BTRC: variants seen among roughly 807,000 people sequenced by gnomAD.
BTRC encodes beta-transducin repeat containing E3 ubiquitin protein ligase, also known as F-box/WD repeat-containing protein 1A.
BTRC carries 42 observed loss-of-function variants against 85.5 expected under a neutral mutation model. That is an observed-to-expected ratio of 0.49 (90% confidence interval 0.38 to 0.64). The LOEUF is 0.64. Among genes scored for constraint, BTRC ranks in the 30% least tolerant of loss-of-function variants. The pLI is 0.00. For missense variants in BTRC, 594 were observed against 743.5 expected, an observed-to-expected ratio of 0.80 and a Z score of 2.34; for synonymous variants, 255 against 263.3, an observed-to-expected ratio of 0.97 and a Z score of 0.30.
chr10:101,394,154 A>G (rs1943305527), intron 1 of BTRC, among the ~76,000 whole-genome samples: 1 of 152,146 alleles, frequency 6.6e-6, no homozygotes, highest in Non-Finnish European at 1.5e-5. Context: ...GACTAAGGGC[A>G]TGTTGAATTT....
chr10:101,430,802 TAATC>T lies in BTRC; in HGVS notation c.156+358_156+361del, dbSNP rs1309116096. On this transcript the variant is annotated intron_variant, in intron 2 of 14. Transcript: ENST00000370187. Reference sequence around the variant, plus strand: ...TGGACCTACATAAAGCCAATTAGTATAATCAATCAATTAATTACAATCAGTTTCC... The same window carrying T: ...TGGACCTACATAAAGCCAATTAGTATAATCAATTAATTACAATCAGTTTCC... Among the ~76,000 whole-genome samples, 8 of 152,304 alleles carry T rather than the reference TAATC, an allele frequency of 5.3e-5. No individual in the cohort carries two copies. In the South Asian group the frequency reaches 1.7e-3, roughly 32 times the overall value.
At chr10:101,464,060 A>G (rs753478966) in intron 3 of BTRC, among the ~76,000 whole-genome samples, 10 of 152,168 alleles carry the variant, frequency 6.6e-5, no homozygotes, top group Non-Finnish European at 1.3e-4. Flanking sequence ...AACCAATAGG[A>G]CAATACTGAA....
intron 2 of BTRC, among the ~76,000 whole-genome samples, chr10:101,456,598 G>C (rs746518865): frequency 6.6e-6 from 1 of 151,906 alleles, no homozygotes; most frequent in Non-Finnish European, 1.5e-5. Context: ...TTTTTTATTC[G>C]CCCAGTTTGG....
chr10:101,362,396 G>T (rs1942235414), intron 1 of BTRC, among the ~76,000 whole-genome samples: 1 of 134,884 alleles, frequency 7.4e-6, no homozygotes, highest in South Asian at 2.3e-4. Flanking sequence ...AGAGGTGCAA[G>T]AAATTTTTTT....
chr10:101,422,928 C>A (rs1472850138), intron 1 of BTRC, among the ~76,000 whole-genome samples: 1 of 152,110 alleles, frequency 6.6e-6, no homozygotes, highest in African/African-American at 2.4e-5. Flanking sequence ...GTTCTTTTGG[C>A]TTAGGATTGA....
intron 13 of BTRC, among the ~76,000 whole-genome samples, chr10:101,543,446 T>G (rs2062503998): frequency 6.6e-6 from 1 of 151,696 alleles, no homozygotes; most frequent in Non-Finnish European, 1.5e-5. Context: ...AGCATATAGT[T>G]GGGCCATGTT....
intron 12 of BTRC, among the ~76,000 whole-genome samples, chr10:101,537,535 GA>G (rs962419413): frequency 3.3e-5 from 5 of 150,638 alleles, no homozygotes; most frequent in African/African-American, 9.7e-5. Context: ...CTCAAAAAAA[GA>G]AAAAAAAATA....
intron 1 of BTRC, among the ~76,000 whole-genome samples, chr10:101,411,987 A>G (rs1211727736): frequency 6.6e-6 from 1 of 152,166 alleles, no homozygotes; most frequent in Non-Finnish European, 1.5e-5. Context: ...CATCCCAGCA[A>G]CTGAGATGTG....
At chr10:101,432,124 CT>C (rs996287226) in intron 2 of BTRC, among the ~76,000 whole-genome samples, 6 of 133,664 alleles carry the variant, frequency 4.5e-5, no homozygotes, top group Non-Finnish European at 6.8e-5. Flanking sequence ...AGTGAAATAT[CT>C]TTTTTTTCCT....
intron 1 of BTRC, among the ~76,000 whole-genome samples, chr10:101,372,013 G>A (rs536674381): frequency 2.0e-5 from 3 of 152,066 alleles, no homozygotes; most frequent in African/African-American, 7.2e-5. Context: ...TTATTGAAAA[G>A]ATTGTTCTTT....
chr10:101,370,483 T>G (rs951873097), intron 1 of BTRC, among the ~76,000 whole-genome samples: 3 of 152,194 alleles, frequency 2.0e-5, no homozygotes, highest in Admixed American at 6.5e-5. Flanking sequence ...AGATGTCTGT[T>G]TTGCCTGGCC....
intron 2 of BTRC, among the ~76,000 whole-genome samples, chr10:101,436,779 A>G (rs1388961975): frequency 1.3e-5 from 2 of 152,168 alleles, no homozygotes; most frequent in Non-Finnish European, 2.9e-5. Context: ...TTCCATGTCA[A>G]AGGTTGAAAT....
intron 1 of BTRC, among the ~76,000 whole-genome samples, chr10:101,357,833 CA>C (rs750791520): frequency 2.6e-5 from 4 of 152,266 alleles, no homozygotes; most frequent in Non-Finnish European, 5.9e-5. Context: ...AAAGTTTAAG[CA>C]GAATGTTTAA....
At chr10:101,541,095 C>CTT (rs35814606) in intron 13 of BTRC, among the ~76,000 whole-genome samples, 46 of 146,490 alleles carry the variant, frequency 3.1e-4, no homozygotes, top group South Asian at 3.0e-3. Flanking sequence ...CTCTCTCCCT[C>CTT]TTTTTTTTTT....
At chr10:101,432,134 CT>C (rs141993153) in intron 2 of BTRC, among the ~76,000 whole-genome samples, 51,200 of 143,456 alleles carry the variant, frequency 0.36, 9,551 homozygotes, top group Middle Eastern at 0.47. Context: ...CTTTTTTTTC[CT>C]TTTTTTTTTT....
intron 1 of BTRC, among the ~76,000 whole-genome samples, chr10:101,354,832 G>A (rs1941987986): frequency 6.6e-6 from 1 of 152,124 alleles, no homozygotes; most frequent in Admixed American, 6.5e-5. Flanking sequence ...CCAAACTACT[G>A]TTGACAAACT....
chr10:101,372,107 G>C (rs1222187829), intron 1 of BTRC, among the ~76,000 whole-genome samples: 1 of 151,520 alleles, frequency 6.6e-6, no homozygotes, highest in African/African-American at 2.4e-5. Context: ...TAGCTCCATT[G>C]GTCTATTCTT....
At chr10:101,473,347 T>C (rs1945587470) in intron 3 of BTRC, among the ~76,000 whole-genome samples, 1 of 151,832 alleles carries the variant, frequency 6.6e-6, no homozygotes, top group Non-Finnish European at 1.5e-5. Context: ...TGCAGTGGCA[T>C]GAACATGGCT....
At chr10:101,381,273 A>G (rs1266155819) in intron 1 of BTRC, among the ~76,000 whole-genome samples, 5 of 152,194 alleles carry the variant, frequency 3.3e-5, no homozygotes, top group Non-Finnish European at 5.9e-5. Flanking sequence ...AAATGTGGAA[A>G]CTGAGGCACA....
Sources: gnomAD v4.1 joint callset for allele counts (sites outside exome capture counted in the v4.1 genomes callset) on GRCh38, gnomAD v4.1.1 for gene constraint, MANE v1.5 for transcripts, NCBI Gene and HGNC (gene_info 2026-07-23, HGNC 2026-07-21) for gene names.